ADARB1: variants seen among roughly 807,000 people sequenced by gnomAD.
ADARB1 encodes adenosine deaminase RNA specific B1, also known as double-stranded RNA-specific editase 1.
ADARB1 carries 10 observed loss-of-function variants against 52.4 expected under a neutral mutation model. That is an observed-to-expected ratio of 0.19 (90% CI 0.12 to 0.32). The LOEUF (loss-of-function observed/expected upper bound fraction) is 0.32. Ranked by LOEUF, ADARB1 falls within the 10% of genes least tolerant of loss-of-function variation. The pLI, the probability that ADARB1 is intolerant of heterozygous loss-of-function variation, is 1.00. For missense variants in ADARB1, 643 were observed against 922.3 expected, an observed-to-expected ratio of 0.70 and a Z score of 3.92; for synonymous variants, 349 against 371.1, an observed-to-expected ratio of 0.94 and a Z score of 0.68.
At position 45,220,771 on chromosome 21, in the gene ADARB1, G is replaced by T. The variant is rs59804232; in HGVS notation, c.1748-65G>T. On this transcript the variant is annotated intron_variant, in intron 9 of 10. Transcript: ENST00000348831. This position sits in a 1 kb window ranked among gnomAD's most constrained non-coding sequence, Gnocchi z 6.3. ...CATGTCTGAGCACAGTGTGCCGCCC[G>T]TGGCTGCTCCCTCCCTGGGGGTGAA... 55,169 of 1,569,554 alleles carry T rather than the reference G, an allele frequency of 0.035. 1,471 individuals are homozygous for T. The highest frequency in any genetic ancestry group is 0.12 in the East Asian group (5,306 of 44,316).
At chr21:45,183,065 C>T (rs1298478192) in intron 6 of ADARB1, among the ~76,000 whole-genome samples, 4 of 152,090 alleles carry the variant, frequency 2.6e-5, no homozygotes, top group Admixed American at 6.5e-5. Flanking sequence ...TTCTAGTCAC[C>T]GTTTCTAGAA....
intron 2 of ADARB1, among the ~76,000 whole-genome samples, chr21:45,140,211 A>G (rs1335353409): frequency 6.6e-6 from 1 of 152,170 alleles, no homozygotes; most frequent in Non-Finnish European, 1.5e-5. Context: ...GCCAAAAATC[A>G]TTCTTCTAAA....
intron 8 of ADARB1, 61 bp downstream of exon 8, chr21:45,185,152 G>C (rs2092059776): frequency 6.4e-7 from 1 of 1,553,910 alleles, no homozygotes; most frequent in Non-Finnish European, 8.7e-7. Context: ...CATACTGTTT[G>C]CCAACCTCCC....
intron 8 of ADARB1, among the ~76,000 whole-genome samples, chr21:45,203,889 GCTGGTATTTTTC>G (rs1408748738): frequency 6.6e-6 from 1 of 152,194 alleles, no homozygotes; most frequent in African/African-American, 2.4e-5. Flanking sequence ...CCCTGTACGT[GCTGGTATTTTTC>G]CTGTAAGTAC....
chr21:45,189,098 G>T (rs1484619312), intron 8 of ADARB1, among the ~76,000 whole-genome samples: 1 of 152,150 alleles, frequency 6.6e-6, no homozygotes, highest in Non-Finnish European at 1.5e-5. Flanking sequence ...ACCTCCCACT[G>T]GGTCCCTCCG....
intron 1 of ADARB1, among the ~76,000 whole-genome samples, chr21:45,086,483 A>G (rs1340637259): frequency 7.2e-5 from 11 of 152,176 alleles, no homozygotes; most frequent in Admixed American, 7.2e-4. Context: ...GCTTGTCTGC[A>G]GTTGATTCGC....
rs914972151 is a variant in ADARB1 at position 45,172,803 on chromosome 21, G to A, written c.28+1119G>A. Among the ~76,000 whole-genome samples the A allele has an allele frequency of 6.6e-6, 1 of 152,226 alleles. No individual in the cohort carries two copies. The highest frequency in any genetic ancestry group is 1.5e-5 in the Non-Finnish European group (1 of 68,038). ...GCTCACCTCACTTCCGCTGTTGTGT[G>A]CGCAGCCCGTGCCTGCCTGCTGGTG... On this transcript the variant is annotated intron_variant, in intron 3 of 10. Transcript: ENST00000348831. This position sits in a 1 kb window ranked among gnomAD's most constrained non-coding sequence, Gnocchi z 4.4.
At chr21:45,202,814 TC>T (rs1244173771) in intron 8 of ADARB1, among the ~76,000 whole-genome samples, 1 of 141,924 alleles carries the variant, frequency 7.0e-6, no homozygotes, top group Non-Finnish European at 1.5e-5. Context: ...CTGAGCATCT[TC>T]CCCTGCAGCC....
chr21:45,156,023 A>G (rs1191805534), intron 2 of ADARB1, among the ~76,000 whole-genome samples: 6 of 136,576 alleles, frequency 4.4e-5, no homozygotes, highest in Non-Finnish European at 7.7e-5. Flanking sequence ...CCCACCCACC[A>G]TCACCCATCA....
rs1333791299 is a variant in ADARB1, at chr21:45,157,877, G to A, written c.-47-13733G>A. Among the ~76,000 whole-genome samples, 1 of 152,204 alleles carries A rather than the reference G, an allele frequency of 6.6e-6. No homozygotes were observed. The highest frequency in any genetic ancestry group is 1.5e-5 in the Non-Finnish European group (1 of 68,024). ...GGCAGTTGCTTCTAGTCCAGCAATAGAAAGGTGAGAAAGAATACAGAGAAG... is the reference window on the plus strand; with the variant it reads ...GGCAGTTGCTTCTAGTCCAGCAATAAAAAGGTGAGAAAGAATACAGAGAAG... On this transcript the variant is annotated intron_variant, in intron 2 of 10. Transcript: ENST00000348831. The surrounding 1 kb of genome is among the most constrained non-coding windows in gnomAD (Gnocchi z 4.1).
intron 9 of ADARB1, among the ~76,000 whole-genome samples, chr21:45,211,614 C>T (rs995870627): frequency 6.6e-6 from 1 of 152,124 alleles, no homozygotes; most frequent in African/African-American, 2.4e-5. Context: ...TAAGAAAAAA[C>T]ATCAATGCCA....
In ADARB1 at chr21:45,223,120, G is replaced by C; in HGVS notation, c.*923G>C. 1.0e-6 allele frequency: 1 copy of C among 985,452 alleles called. No individual in the cohort carries two copies. The highest frequency in any genetic ancestry group is 1.2e-6 in the Non-Finnish European group (1 of 829,938). 61.0% of individuals were successfully genotyped at this position (985,452 alleles called of 1,614,324 possible). A position where few individuals can be genotyped will look rare whatever the true frequency, so the allele number is the denominator to read the frequency against. ...ACAATACATGGCCTAAGTTCCCTCT[G>C]TTCCTTCCTCTGAATCGAATGGATG... On this transcript the variant is annotated 3_prime_UTR_variant, in exon 11 of 11. Transcript: ENST00000348831.
intron 2 of ADARB1, among the ~76,000 whole-genome samples, chr21:45,159,183 T>C (rs1227522667): frequency 6.6e-6 from 1 of 152,124 alleles, no homozygotes; most frequent in Non-Finnish European, 1.5e-5. Context: ...CAGAGGCCTC[T>C]CAATCATGAC....
intron 9 of ADARB1, among the ~76,000 whole-genome samples, chr21:45,211,531 A>T (rs1427630413): frequency 6.6e-6 from 1 of 152,228 alleles, no homozygotes; most frequent in East Asian, 1.9e-4. Context: ...TCCATTAATC[A>T]TTATGTATAT....
chr21:45,205,252 C>G (rs553088785), intron 9 of ADARB1, among the ~76,000 whole-genome samples: 60 of 151,126 alleles, frequency 4.0e-4, no homozygotes, highest in African/African-American at 1.4e-3. Flanking sequence ...CAGAGTGAGA[C>G]CCTGTCTTTA....
chr21:45,122,230 A>G (rs903098119), intron 1 of ADARB1, among the ~76,000 whole-genome samples: 1 of 152,224 alleles, frequency 6.6e-6, no homozygotes. Context: ...CTCAATTTCC[A>G]CAGTCTAATT....
chr21:45,195,490 C>T (rs958752045), intron 8 of ADARB1, among the ~76,000 whole-genome samples: 7 of 152,120 alleles, frequency 4.6e-5, no homozygotes, highest in African/African-American at 1.7e-4. Flanking sequence ...AACCCAAGAT[C>T]ATCTAGATTT....
rs1256817143 is a variant in ADARB1 at position 45,220,372 on chromosome 21, A to T, written c.1748-464A>T. On this transcript the variant is annotated intron_variant, in intron 9 of 10. Transcript: ENST00000348831. The surrounding 1 kb of genome is among the most constrained non-coding windows in gnomAD (Gnocchi z 6.3). ...TGGCCTCTCAGTGGCAGGGGAGCAC[A>T]TGCAGGCATGAGCGCCAGAGGTGGT... Among the ~76,000 whole-genome samples the T allele has an allele frequency of 6.6e-6, 1 of 152,152 alleles. No individual in the cohort carries two copies. The highest frequency in any genetic ancestry group is 1.5e-5 in the Non-Finnish European group (1 of 68,016).
intron 1 of ADARB1, among the ~76,000 whole-genome samples, chr21:45,113,854 A>G (rs1162637943): frequency 6.6e-6 from 1 of 152,220 alleles, no homozygotes; most frequent in Non-Finnish European, 1.5e-5. Flanking sequence ...TGTTTCAGAT[A>G]TTTCAAACTG....
Sources: gnomAD v4.1 joint callset for allele counts (sites outside exome capture counted in the v4.1 genomes callset) on GRCh38, gnomAD v4.1.1 for gene constraint, Gnocchi (gnomAD v3.1) non-coding constraint, MANE v1.5 for transcripts, NCBI Gene and HGNC (gene_info 2026-07-23, HGNC 2026-07-21) for gene names.